Variants in HECW1 observed in about 807,000 individuals in gnomAD.
The protein encoded by HECW1 is E3 ubiquitin-protein ligase HECW1.
A neutral mutation model predicts 182.3 loss-of-function variants in HECW1; 61 were observed. That is an observed-to-expected ratio of 0.33 (90% confidence interval 0.27 to 0.41). HECW1 has a LOEUF of 0.41. Ranked by LOEUF, HECW1 falls within the 10% of genes least tolerant of loss-of-function variation. The probability of loss-of-function intolerance (pLI) is 1.00; values close to 1 mark genes in which losing one functional copy is unlikely to be tolerated. For synonymous variants in HECW1, 859 were observed against 832.6 expected (o/e 1.03, Z -0.55); for missense variants, 1,739 against 2,108.9 (o/e 0.82, Z 3.44).
intron 11 of HECW1, among the ~76,000 whole-genome samples, chr7:43,446,616 G>T (rs1244776159): frequency 6.7e-6 from 1 of 148,662 alleles, no homozygotes; most frequent in Non-Finnish European, 1.5e-5. Flanking sequence ...AACCCCTGGT[G>T]CCTACAAATT....
At chr7:43,155,043 T>C (rs1454674664) in intron 2 of HECW1, among the ~76,000 whole-genome samples, 1 of 152,154 alleles carries the variant, frequency 6.6e-6, no homozygotes, top group East Asian at 1.9e-4. Flanking sequence ...TCAGGTGACT[T>C]AGGGAGCCTG....
chr7:43,488,375 GA>G (rs1181980908), intron 17 of HECW1, among the ~76,000 whole-genome samples: 9 of 104,004 alleles, frequency 8.7e-5, no homozygotes, highest in Middle Eastern at 5.4e-3. Flanking sequence ...AGGAAGGAAG[GA>G]AGGAAGGAAG....
Position 43,445,546 on chromosome 7 carries a change from G to A in HECW1, c.2374G>A (p.Ala792Thr), listed in dbSNP as rs1231082778. Residue 792 changes from alanine (A) to threonine (T), a missense_variant, in exon 11 of 30, where the codon GCA (alanine) becomes ACA (threonine). Transcript: ENST00000395891. ...RSPEGLESPV[A>T]GPSNRREGEC... ...CCCGGAAGGTCTGGAATCCCCCGTG[G>A]CAGGTCCAAGCAATCGGAGAGAAGG... 6.3e-7 allele frequency: 1 copy of A among 1,597,116 alleles called. No individual in the cohort carries two copies. Among genetic ancestry groups the A allele is most frequent in the Non-Finnish European group, 8.6e-7 (1 of 1,168,778 alleles).
intron 2 of HECW1, among the ~76,000 whole-genome samples, chr7:43,194,913 C>T (rs559896176): frequency 2.0e-5 from 3 of 152,238 alleles, no homozygotes; most frequent in African/African-American, 4.8e-5. Flanking sequence ...AGTCTGGTGT[C>T]GAACTCCTGA....
At chr7:43,228,308 A>G (rs977059691) in intron 2 of HECW1, among the ~76,000 whole-genome samples, 7 of 152,128 alleles carry the variant, frequency 4.6e-5, no homozygotes, top group African/African-American at 1.7e-4. Flanking sequence ...CAACATACAG[A>G]GACCTCATCT....
intron 13 of HECW1, among the ~76,000 whole-genome samples, chr7:43,461,363 T>C (rs2077576469): frequency 6.6e-6 from 1 of 152,206 alleles, no homozygotes; most frequent in Non-Finnish European, 1.5e-5. Flanking sequence ...ACTCTATTAG[T>C]CAAGGTAGTT....
chr7:43,369,849 G>A (rs760926136), intron 6 of HECW1, among the ~76,000 whole-genome samples: 1 of 152,138 alleles, frequency 6.6e-6, no homozygotes, highest in Non-Finnish European at 1.5e-5. Flanking sequence ...AAAACAAAAC[G>A]AAATGGATGA....
At chr7:43,546,227 T>TTG (rs1440489596) in intron 26 of HECW1, among the ~76,000 whole-genome samples, 1 of 148,214 alleles carries the variant, frequency 6.7e-6, no homozygotes, top group Non-Finnish European at 1.5e-5. Context: ...ACCTTTTTTT[T>TTG]TTTTTTTTTT....
chr7:43,127,223 G>T (rs557854161), intron 2 of HECW1, among the ~76,000 whole-genome samples: 1 of 152,228 alleles, frequency 6.6e-6, no homozygotes, highest in South Asian at 2.1e-4. Context: ...ACTCCTGAAT[G>T]ATAAGAAAAC....
intron 24 of HECW1, among the ~76,000 whole-genome samples, chr7:43,510,751 T>C (rs529284381): frequency 6.6e-5 from 10 of 152,150 alleles, no homozygotes; most frequent in Non-Finnish European, 1.3e-4. Context: ...GACGGTGGCA[T>C]AGGACAACAG....
Position 43,442,567 on chromosome 7 carries a change from CA to C in HECW1, c.985del (p.Thr329GlnfsTer4). Reference protein sequence around the residue: ...VVSYTLGRRLPTDHVSGQLQF... With the variant: ...VVSYTLGRRLXTDHVSGQLQF... ...AGCTACACACTTGGCCGCAGGCTTC[CA>C]ACAGATCATGTGAGTGGACAGCTGC... On this transcript the variant is annotated frameshift_variant, in exon 10 of 30. Coordinates refer to ENST00000395891, the MANE Select transcript of HECW1 (RefSeq NM_015052.5). LOFTEE classifies it high-confidence loss of function. 5 of 1,613,922 alleles carry C rather than the reference CA, an allele frequency of 3.1e-6. No homozygotes were observed. Among genetic ancestry groups the C allele is most frequent in the Non-Finnish European group, 3.4e-6 (4 of 1,179,876 alleles).
At chr7:43,170,263 T>C (rs1453342589) in intron 2 of HECW1, among the ~76,000 whole-genome samples, 1 of 152,232 alleles carries the variant, frequency 6.6e-6, no homozygotes, top group Non-Finnish European at 1.5e-5. Context: ...TAATAATATA[T>C]ACATGTATAT....
chr7:43,339,595 G>A (rs1379364533), intron 5 of HECW1, among the ~76,000 whole-genome samples: 2 of 152,134 alleles, frequency 1.3e-5, no homozygotes, highest in Non-Finnish European at 2.9e-5. Flanking sequence ...ATCTATTGCT[G>A]TACTTGGTAA....
intron 6 of HECW1, 77 bp downstream of exon 6, chr7:43,361,057 C>CGTGCGTGT (rs1554378430): frequency 6.2e-4 from 396 of 637,984 alleles, no homozygotes; most frequent in South Asian, 2.0e-3. Context: ...CTTGTGCGTG[C>CGTGCGTGT]GTGTGTGTGT....
intron 5 of HECW1, among the ~76,000 whole-genome samples, chr7:43,326,303 G>C (rs1334461539): frequency 6.6e-6 from 1 of 152,202 alleles, no homozygotes; most frequent in Non-Finnish European, 1.5e-5. Flanking sequence ...CTTGACCATG[G>C]TGAGGTGAAC....
At chr7:43,144,009 C>T (rs1408672940) in intron 2 of HECW1, among the ~76,000 whole-genome samples, 1 of 152,176 alleles carries the variant, frequency 6.6e-6, no homozygotes, top group African/African-American at 2.4e-5. Context: ...TATTGCTGCA[C>T]TCACGGTCAG....
At chr7:43,294,769 T>A (rs1024516127) in intron 3 of HECW1, among the ~76,000 whole-genome samples, 2 of 152,140 alleles carry the variant, frequency 1.3e-5, no homozygotes, top group Non-Finnish European at 2.9e-5. Flanking sequence ...CCAGAAAGTA[T>A]CTGAGACGGG....
chr7:43,529,958 T>C (rs1179119568), intron 24 of HECW1, among the ~76,000 whole-genome samples: 1 of 105,798 alleles, frequency 9.5e-6, no homozygotes, highest in African/African-American at 2.7e-5. Context: ...TTTTTATTTA[T>C]TTTTTTTTTG....
chr7:43,298,340 C>T (rs1160947354), intron 3 of HECW1, among the ~76,000 whole-genome samples: 1 of 152,206 alleles, frequency 6.6e-6, no homozygotes, highest in Non-Finnish European at 1.5e-5. Flanking sequence ...TATTTCAGTT[C>T]ATTTTCCAGG....
Sources: allele counts gnomAD v4.1 joint callset (sites outside exome capture counted in the v4.1 genomes callset), GRCh38; gene constraint gnomAD v4.1.1; transcripts MANE v1.5; gene names NCBI Gene and HGNC (gene_info 2026-07-23, HGNC 2026-07-21).